Variants in RBM20 observed in about 807,000 individuals in gnomAD.
RBM20 encodes the protein RNA-binding protein 20.
A neutral mutation model predicts 110.1 loss-of-function variants in RBM20; 51 were observed. That is an observed-to-expected ratio of 0.46 (90% CI 0.37 to 0.59). The LOEUF (loss-of-function observed/expected upper bound fraction) is 0.59, where lower values mean the gene tolerates loss of function less well. Ranked by LOEUF, RBM20 falls within the 20% of genes least tolerant of loss-of-function variation. The pLI is 0.00. For synonymous variants in RBM20, 589 were observed against 618.2 expected (o/e 0.95, Z 0.70); for missense variants, 1,512 against 1,574.9 (o/e 0.96, Z 0.68).
intron 13 of RBM20, among the ~76,000 whole-genome samples, chr10:110,833,390 G>A (rs1250884865): frequency 4.3e-4 from 27 of 62,218 alleles, no homozygotes; most frequent in South Asian, 8.6e-4. Flanking sequence ...CTCTGTCTCA[G>A]AAAAAAAAAA....
intron 1 of RBM20, among the ~76,000 whole-genome samples, chr10:110,654,712 C>T (rs1441381054): frequency 3.9e-5 from 6 of 152,120 alleles, no homozygotes; most frequent in Non-Finnish European, 7.3e-5. Context: ...TATTTTCATA[C>T]ACAAAATATG....
intron 1 of RBM20, among the ~76,000 whole-genome samples, chr10:110,770,799 T>C (rs78513649): frequency 0.087 from 13,234 of 152,314 alleles, 782 homozygotes; most frequent in Non-Finnish European, 0.13. Context: ...TGGGGACCAG[T>C]CCTGGAACAT....
chr10:110,685,754 G>A (rs1165178926), intron 1 of RBM20, among the ~76,000 whole-genome samples: 2 of 152,190 alleles, frequency 1.3e-5, no homozygotes, highest in African/African-American at 4.8e-5. Flanking sequence ...CGGGAGGGTC[G>A]GGAGGTGGGT....
intron 9 of RBM20, among the ~76,000 whole-genome samples, chr10:110,816,274 C>G (rs1844837565): frequency 6.7e-6 from 1 of 148,836 alleles, no homozygotes; most frequent in Non-Finnish European, 1.5e-5. Flanking sequence ...TCCCTCCCAC[C>G]ACTGCAAACC....
intron 1 of RBM20, among the ~76,000 whole-genome samples, chr10:110,733,811 G>A (rs934405569): frequency 4.6e-5 from 7 of 152,198 alleles, no homozygotes; most frequent in African/African-American, 9.7e-5. Flanking sequence ...CGCCTCTAAA[G>A]CAAGGTAATG....
intron 1 of RBM20, among the ~76,000 whole-genome samples, chr10:110,735,820 T>C (rs1843664972): frequency 6.6e-6 from 1 of 152,248 alleles, no homozygotes. Context: ...AAGTCAAAGT[T>C]ACTAATTAAC....
At chr10:110,785,878 A>G (rs1190756390) in intron 5 of RBM20, among the ~76,000 whole-genome samples, 2 of 152,164 alleles carry the variant, frequency 1.3e-5, no homozygotes, top group East Asian at 1.9e-4. Context: ...ATTATTTCCT[A>G]TGAGAGGGTA....
intron 1 of RBM20, among the ~76,000 whole-genome samples, chr10:110,657,587 C>A (rs1189936856): frequency 6.6e-6 from 1 of 152,138 alleles, no homozygotes; most frequent in Non-Finnish European, 1.5e-5. Flanking sequence ...CAAATATGTT[C>A]TCCTATTTTA....
intron 1 of RBM20, among the ~76,000 whole-genome samples, chr10:110,645,502 G>A (rs1340943038): frequency 1.3e-5 from 2 of 152,130 alleles, no homozygotes; most frequent in Non-Finnish European, 2.9e-5. Context: ...TGAATGATGC[G>A]CACCTCTGCG....
At chr10:110,665,004 T>C (rs533650284) in intron 1 of RBM20, among the ~76,000 whole-genome samples, 1 of 151,622 alleles carries the variant, frequency 6.6e-6, no homozygotes, top group African/African-American at 2.4e-5. Context: ...GCCTCCTGAG[T>C]ATCTGGGACT....
At chr10:110,734,777 T>C (rs1221628708) in intron 1 of RBM20, among the ~76,000 whole-genome samples, 1 of 143,402 alleles carries the variant, frequency 7.0e-6, no homozygotes, top group East Asian at 1.9e-4. Context: ...TCTTTATTTA[T>C]ATACAGTGCT....
intron 1 of RBM20, among the ~76,000 whole-genome samples, chr10:110,746,859 G>T (rs1465039422): frequency 2.0e-5 from 3 of 152,206 alleles, no homozygotes; most frequent in East Asian, 1.9e-4. Flanking sequence ...TAAAAAAATT[G>T]TTTGCATACT....
chr10:110,798,428 A>T (rs963294746), intron 6 of RBM20, among the ~76,000 whole-genome samples: 3 of 152,210 alleles, frequency 2.0e-5, no homozygotes, highest in African/African-American at 7.2e-5. Flanking sequence ...GAGACTACTC[A>T]CTTGTCTCTG....
chr10:110,663,413 A>T (rs1451601596), intron 1 of RBM20, among the ~76,000 whole-genome samples: 1 of 152,258 alleles, frequency 6.6e-6, no homozygotes, highest in Non-Finnish European at 1.5e-5. Flanking sequence ...TTAAATGAAA[A>T]AGCAGAGTGC....
chr10:110,774,897 TAGCA>T (rs1844241175), intron 1 of RBM20, among the ~76,000 whole-genome samples: 1 of 152,174 alleles, frequency 6.6e-6, no homozygotes, highest in Admixed American at 6.5e-5. Flanking sequence ...GAAAGCATTA[TAGCA>T]GAGTTGAGAA....
At chr10:110,666,805 G>T (rs563539118) in intron 1 of RBM20, among the ~76,000 whole-genome samples, 20 of 152,256 alleles carry the variant, frequency 1.3e-4, no homozygotes, top group African/African-American at 4.6e-4. Context: ...TTAGATTGAG[G>T]ATTATAGGGT....
chr10:110,750,313 T>C (rs1352585830), intron 1 of RBM20, among the ~76,000 whole-genome samples: 1 of 152,222 alleles, frequency 6.6e-6, no homozygotes, highest in African/African-American at 2.4e-5. Flanking sequence ...AAAATCCTGA[T>C]TGATCTTATC....
intron 1 of RBM20, among the ~76,000 whole-genome samples, chr10:110,722,013 G>A (rs897429534): frequency 3.3e-5 from 5 of 152,122 alleles, no homozygotes; most frequent in African/African-American, 1.2e-4. Context: ...CCTTGTCTCT[G>A]CCCCTGCCTT....
chr10:110,828,454 G>C (rs1157016121), intron 12 of RBM20, among the ~76,000 whole-genome samples: 1 of 151,408 alleles, frequency 6.6e-6, no homozygotes, highest in South Asian at 2.1e-4. Flanking sequence ...GCCTGAACTT[G>C]CAGAGCAGGG....
Sources: allele counts gnomAD v4.1 joint callset (sites outside exome capture counted in the v4.1 genomes callset), GRCh38; gene constraint gnomAD v4.1.1; transcripts MANE v1.5; gene names NCBI Gene and HGNC (gene_info 2026-07-23, HGNC 2026-07-21).